The following FAF1 variants were observed in gnomAD, a reference collection of about 807,000 sequenced individuals.
FAF1 encodes the protein FAS-associated factor 1.
A neutral mutation model predicts 92.5 loss-of-function variants in FAF1; 25 were observed. That is an observed-to-expected ratio of 0.27 (90% CI 0.20 to 0.38). The LOEUF is 0.38. FAF1 is among the 10% of genes least tolerant of loss of function. FAF1 has a pLI of 1.00. For missense variants in FAF1, 636 were observed against 793.3 expected (o/e 0.80, Z 2.38); for synonymous variants, 234 against 273.2 (o/e 0.86, Z 1.42).
intron 7 of FAF1, among the ~76,000 whole-genome samples, chr1:50,704,279 T>TG (rs955518924): frequency 1.3e-5 from 2 of 151,964 alleles, no homozygotes; most frequent in African/African-American, 4.8e-5. Context: ...AAACTAGGGG[T>TG]GGGGGTTGAG....
chr1:50,527,159 G>C (rs1331020606), intron 15 of FAF1, among the ~76,000 whole-genome samples: 1 of 152,094 alleles, frequency 6.6e-6, no homozygotes, highest in African/African-American at 2.4e-5. Flanking sequence ...CCGGGCCCCT[G>C]ATGACTTTTT....
At position 50,438,527 on chromosome 1, in the gene FAF1, C is replaced by T. The variant is rs919629302; in HGVS notation, c.*2913G>A. 2 of 152,186 alleles carry T rather than the reference C, an allele frequency of 1.3e-5. No individual in the cohort carries two copies. The highest frequency in any genetic ancestry group is 2.9e-5 in the Non-Finnish European group (2 of 68,058). The allele number at this position is 152,186 out of a possible 1,614,324, so 9.4% of individuals were successfully genotyped here. A position where few individuals can be genotyped will look rare whatever the true frequency, so the allele number is the denominator to read the frequency against. ...TGGACTGAACTAAAGACTCCAAGTCCCATCCACTTGTGGGGACCCAGGACT... is the reference window on the plus strand; with the variant it reads ...TGGACTGAACTAAAGACTCCAAGTCTCATCCACTTGTGGGGACCCAGGACT... On this transcript the variant is annotated 3_prime_UTR_variant, in exon 19 of 19. Coordinates refer to ENST00000396153, the MANE Select transcript of FAF1 (RefSeq NM_007051.3).
At chr1:50,541,069 T>C (rs1397097326) in intron 13 of FAF1, among the ~76,000 whole-genome samples, 4 of 152,198 alleles carry the variant, frequency 2.6e-5, no homozygotes, top group African/African-American at 9.6e-5. Context: ...TAAAATGTCA[T>C]GTGTTCACAT....
intron 6 of FAF1, among the ~76,000 whole-genome samples, chr1:50,710,614 T>C (rs762807393): frequency 6.6e-6 from 1 of 152,108 alleles, no homozygotes; most frequent in African/African-American, 2.4e-5. Flanking sequence ...AACCCTTTTT[T>C]TTTTTCGAGA....
chr1:50,611,908 T>C (rs1414715075), intron 8 of FAF1, among the ~76,000 whole-genome samples: 1 of 152,128 alleles, frequency 6.6e-6, no homozygotes, highest in Non-Finnish European at 1.5e-5. Context: ...GGAAACTGGC[T>C]TTGAAACAGA....
intron 4 of FAF1, among the ~76,000 whole-genome samples, chr1:50,773,461 G>A (rs151095672): frequency 2.7e-4 from 41 of 152,278 alleles, no homozygotes; most frequent in Non-Finnish European, 5.4e-4. Context: ...ATACAAAAAT[G>A]TGGTATATAC....
At chr1:50,795,218 G>A (rs1166344021) in intron 3 of FAF1, among the ~76,000 whole-genome samples, 2 of 152,152 alleles carry the variant, frequency 1.3e-5, no homozygotes, top group African/African-American at 2.4e-5. Flanking sequence ...CCCCAATAAG[G>A]TGCCATTTCC....
intron 15 of FAF1, among the ~76,000 whole-genome samples, chr1:50,524,818 T>G (rs1647706815): frequency 6.6e-6 from 1 of 152,214 alleles, no homozygotes; most frequent in African/African-American, 2.4e-5. Flanking sequence ...TCAAGTAGCA[T>G]AATCCCTCCA....
chr1:50,777,283 G>C (rs1475918651), intron 4 of FAF1, among the ~76,000 whole-genome samples: 1 of 151,758 alleles, frequency 6.6e-6, no homozygotes, highest in Admixed American at 6.6e-5. Context: ...GCCAAACATG[G>C]TGGCGTGCGC....
At chr1:50,746,460 C>T (rs1231121610) in intron 4 of FAF1, among the ~76,000 whole-genome samples, 1 of 150,184 alleles carries the variant, frequency 6.7e-6, no homozygotes, top group African/African-American at 2.5e-5. Context: ...TGCACCACCA[C>T]ACCTGGCTAA....
rs1646162023 is a variant in FAF1, at chr1:50,441,144, T to C, written c.*296A>G. On this transcript the variant is annotated 3_prime_UTR_variant, in exon 19 of 19. Transcript: ENST00000396153. ...GCACTGGAGAGGTAAAAATTCTATT[T>C]AGTGATCACTCACACTTGAACAATG... 3.6e-6 allele frequency: 1 copy of C among 280,926 alleles called. No individual in the cohort carries two copies. Among genetic ancestry groups the C allele is most frequent in the Non-Finnish European group, 6.6e-6 (1 of 151,032 alleles). 17.4% of individuals were successfully genotyped at this position (280,926 alleles called of 1,614,324 possible).
intron 5 of FAF1, among the ~76,000 whole-genome samples, chr1:50,743,360 C>T (rs996894887): frequency 2.1e-4 from 32 of 152,144 alleles, no homozygotes; most frequent in African/African-American, 7.7e-4. Flanking sequence ...TAGGGTCTCA[C>T]TCTGTCGCCC....
intron 7 of FAF1, among the ~76,000 whole-genome samples, chr1:50,662,616 A>G (rs1254620957): frequency 1.3e-5 from 2 of 151,800 alleles, no homozygotes; most frequent in Non-Finnish European, 2.9e-5. Context: ...CAACTTGACA[A>G]TTGCAAAGTT....
intron 6 of FAF1, among the ~76,000 whole-genome samples, chr1:50,711,348 T>C (rs967528188): frequency 1.3e-5 from 2 of 152,222 alleles, no homozygotes; most frequent in South Asian, 2.1e-4. Flanking sequence ...AGTGCTTTTG[T>C]AGTAGTTACT....
In FAF1 at chr1:50,583,608, C is replaced by T. The variant is rs1464126938; in HGVS notation, c.1031+44G>A. 3 of 1,205,458 alleles carry T rather than the reference C, an allele frequency of 2.5e-6. No homozygotes were observed. The highest frequency in any genetic ancestry group is 2.4e-5 in the Admixed American group (1 of 42,502). The allele number at this position is 1,205,458 out of a possible 1,614,324, so 74.7% of individuals were successfully genotyped here. On this transcript the variant is annotated intron_variant, in intron 11 of 18. Transcript: ENST00000396153. The surrounding 1 kb of genome is among the most constrained non-coding windows in gnomAD (Gnocchi z 4.2). The stretch of plus-strand genomic sequence containing the variant: ...AATTGCCCAAGAAAAATCACAGTAG[C>T]ATAAAACAGCATCAAATTTATATAG...
chr1:50,632,052 TTCACTACAG>T (rs1461630116), intron 8 of FAF1, among the ~76,000 whole-genome samples: 1 of 152,176 alleles, frequency 6.6e-6, no homozygotes, highest in Non-Finnish European at 1.5e-5. Context: ...GTTTCAGGCA[TTCACTACAG>T]TCTTTAAATC....
At chr1:50,891,768 A>C (rs1003105315) in intron 1 of FAF1, among the ~76,000 whole-genome samples, 1 of 152,154 alleles carries the variant, frequency 6.6e-6, no homozygotes, top group Non-Finnish European at 1.5e-5. Flanking sequence ...GTCTGCCCCT[A>C]CTGGGGCCTA....
At chr1:50,959,305 C>G (rs1645296292) in intron 1 of FAF1, among the ~76,000 whole-genome samples, 1 of 152,098 alleles carries the variant, frequency 6.6e-6, no homozygotes, top group South Asian at 2.1e-4. Context: ...TGTCATTGCC[C>G]TCGCCATCTC....
At chr1:50,793,798 A>T (rs1661647501) in intron 3 of FAF1, among the ~76,000 whole-genome samples, 1 of 152,206 alleles carries the variant, frequency 6.6e-6, no homozygotes, top group Non-Finnish European at 1.5e-5. Context: ...AAAGAACGAT[A>T]CTACACTGAT....
Sources: gnomAD v4.1 joint callset for allele counts (sites outside exome capture counted in the v4.1 genomes callset) on GRCh38, gnomAD v4.1.1 for gene constraint, Gnocchi (gnomAD v3.1) non-coding constraint, MANE v1.5 for transcripts, NCBI Gene and HGNC (gene_info 2026-07-23, HGNC 2026-07-21) for gene names.